MAML1: variants seen among roughly 807,000 people sequenced by gnomAD.
MAML1 encodes the protein mastermind-like protein 1.
Under a neutral mutation model 77.1 loss-of-function variants are expected in MAML1, and 14 were observed. The observed-to-expected ratio is 0.18, with a 90% CI of 0.12 to 0.28. The LOEUF (loss-of-function observed/expected upper bound fraction) is 0.28. Ranked by LOEUF, MAML1 falls within the 10% of genes least tolerant of loss-of-function variation. MAML1 has a pLI of 1.00. For synonymous variants in MAML1, 516 were observed against 551.9 expected (o/e 0.93, Z 0.91); for missense variants, 1,217 against 1,327.8 (o/e 0.92, Z 1.30).
At chr5:179,745,671 T>A (rs1045021599) in intron 1 of MAML1, among the ~76,000 whole-genome samples, 1 of 150,868 alleles carries the variant, frequency 6.6e-6, no homozygotes, top group Non-Finnish European at 1.5e-5. Flanking sequence ...CCATCCTGGC[T>A]AACACAGTGA....
chr5:179,772,784 C>T (rs1175178192), intron 4 of MAML1, among the ~76,000 whole-genome samples: 2 of 152,190 alleles, frequency 1.3e-5, no homozygotes, highest in Non-Finnish European at 2.9e-5. Flanking sequence ...CTCCACCCCC[C>T]ATTCCCACAT....
rs1188457297 is a variant in MAML1 at position 179,733,085 on chromosome 5, C to A, written c.-28C>A. ...CAGCCGGCCCCGAGAGGCCCGGCCC[C>A]GGGCCCGGCCCGTGCAGCCCGCGGC... On this transcript the variant is annotated 5_prime_UTR_variant, in exon 1 of 5. Transcript: ENST00000292599. 1.6e-6 allele frequency: 2 copies of A among 1,279,502 alleles called. No individual in the cohort carries two copies. The highest frequency in any genetic ancestry group is 2.2e-5 in the South Asian group (1 of 46,378). The allele number at this position is 1,279,502 out of a possible 1,614,324, so 79.3% of individuals were successfully genotyped here. A position where few individuals can be genotyped will look rare whatever the true frequency, so the allele number is the denominator to read the frequency against.
chr5:179,752,757 A>G (rs990138253), intron 1 of MAML1, among the ~76,000 whole-genome samples: 8 of 150,352 alleles, frequency 5.3e-5, no homozygotes, highest in African/African-American at 2.0e-4. Context: ...GTCCTCTTTC[A>G]TCTGTGGAAC....
chr5:179,733,209 C>T lies in MAML1; in HGVS notation c.97C>T (p.His33Tyr). Residue 33 changes from histidine (H) to tyrosine (Y), a missense_variant, in exon 1 of 5, where the codon CAC becomes TAC. Physicochemically the swap from His to Tyr is moderately conservative, Grantham distance 83 (BLOSUM62 2). Around this residue, in one of 3 missense-constraint regions of MAML1, gnomAD observed 312 missense variants for 331.4 expected, o/e 0.94. Coordinates refer to ENST00000292599, the MANE Select transcript of MAML1 (RefSeq NM_014757.5). Reference protein sequence around the residue: ...LRRRIELCRRHHSTCEARYEA... With the variant: ...LRRRIELCRRYHSTCEARYEA... ...CCGGCGCATCGAGCTGTGCCGGCGCCACCACAGCACCTGCGAGGCCCGCTA... is the reference window on the plus strand; with the variant it reads ...CCGGCGCATCGAGCTGTGCCGGCGCTACCACAGCACCTGCGAGGCCCGCTA... 1 of 1,478,430 alleles carries T rather than the reference C, an allele frequency of 6.8e-7. No homozygotes were observed. The highest frequency in any genetic ancestry group is 8.9e-7 in the Non-Finnish European group (1 of 1,118,162). 91.6% of individuals were successfully genotyped at this position (1,478,430 alleles called of 1,614,324 possible).
rs1756102186 is a variant in MAML1, at chr5:179,774,937, A to G, written c.*60A>G. ...TCCTATATTTTTATTCTCAGATTCA[A>G]AGAAAGAGCAACTACTTTGGACCAA... is the stretch of plus-strand genomic sequence containing the variant. On this transcript the variant is annotated 3_prime_UTR_variant, in exon 5 of 5. Coordinates refer to ENST00000292599, the MANE Select transcript of MAML1 (RefSeq NM_014757.5). The G allele has an allele frequency of 2.0e-6, 3 of 1,519,190 alleles. No homozygotes were observed. Among genetic ancestry groups the G allele is most frequent in the Non-Finnish European group, 1.8e-6 (2 of 1,137,988 alleles). 94.1% of individuals were successfully genotyped at this position (1,519,190 alleles called of 1,614,324 possible). A position where few individuals can be genotyped will look rare whatever the true frequency, so the allele number is the denominator to read the frequency against.
At chr5:179,773,421 A>G (rs1213499356) in intron 4 of MAML1, among the ~76,000 whole-genome samples, 1 of 152,230 alleles carries the variant, frequency 6.6e-6, no homozygotes, top group Non-Finnish European at 1.5e-5. Flanking sequence ...TAGTGGATTC[A>G]TCACTGTCTC....
At position 179,765,787 on chromosome 5, in the gene MAML1, C is replaced by T. The variant is rs1779805092; in HGVS notation, c.777C>T (p.Asn259=). 1 of 1,614,190 alleles carries T rather than the reference C, an allele frequency of 6.2e-7. No individual in the cohort carries two copies. The highest frequency in any genetic ancestry group is 8.5e-7 in the Non-Finnish European group (1 of 1,180,030). Residue 259 remains asparagine, a synonymous_variant, in exon 2 of 5, where the codon AAC becomes AAT. Coordinates refer to ENST00000292599, the MANE Select transcript of MAML1 (RefSeq NM_014757.5). The part of the protein sequence containing the change: ...QEWKELIEEL[N]RSVPDEDMKD... ...GGAAGGAGCTCATCGAGGAGCTGAACAGGTCGGTGCCCGATGAAGACATGA... is the reference window on the plus strand; with the variant it reads ...GGAAGGAGCTCATCGAGGAGCTGAATAGGTCGGTGCCCGATGAAGACATGA...
rs144703374 is a variant in MAML1 at position 179,768,909 on chromosome 5, G to A, written c.1791G>A (p.Pro597=). ...QAQATSVGTQ[P]PAVSVASSHN... ...AGGCTACCAGTGTTGGGACCCAGCC[G>A]CCTGCCGTGTCCGTGGCCAGCTCCC... Residue 597 remains proline (P), a synonymous_variant, in exon 3 of 5, where the codon CCG becomes CCA. Coordinates refer to ENST00000292599, the MANE Select transcript of MAML1 (RefSeq NM_014757.5). 2.9e-5 allele frequency: 46 copies of A among 1,613,782 alleles called. No individual in the cohort carries two copies. The highest frequency in any genetic ancestry group is 2.4e-4 in the African/African-American group (18 of 75,014).
intron 1 of MAML1, among the ~76,000 whole-genome samples, chr5:179,754,019 C>T (rs1476862296): frequency 6.6e-6 from 1 of 151,914 alleles, no homozygotes; most frequent in East Asian, 2.0e-4. Flanking sequence ...CACAATGGCT[C>T]ACGCCTGTAA....
chr5:179,737,831 C>T (rs983634639), intron 1 of MAML1, among the ~76,000 whole-genome samples: 3 of 152,136 alleles, frequency 2.0e-5, no homozygotes, highest in African/African-American at 4.8e-5. Flanking sequence ...TTTCTTGAAA[C>T]AGGGTCTGGC....
chr5:179,754,672 A>T (rs1420327004), intron 1 of MAML1, among the ~76,000 whole-genome samples: 1 of 152,204 alleles, frequency 6.6e-6, no homozygotes, highest in African/African-American at 2.4e-5. Context: ...GCCTTTGTCA[A>T]AATCACCTGA....
At chr5:179,754,267 G>A (rs1022042402) in intron 1 of MAML1, among the ~76,000 whole-genome samples, 1 of 152,140 alleles carries the variant, frequency 6.6e-6, no homozygotes, top group African/African-American at 2.4e-5. Context: ...GGGTAACAGA[G>A]CGAGACGCTG....
chr5:179,757,444 T>C (rs1343566326), intron 1 of MAML1, among the ~76,000 whole-genome samples: 1 of 151,990 alleles, frequency 6.6e-6, no homozygotes, highest in Non-Finnish European at 1.5e-5. Flanking sequence ...GGCGGGTGCC[T>C]GTCATCCCAG....
intron 1 of MAML1, among the ~76,000 whole-genome samples, chr5:179,754,933 A>C (rs1242479766): frequency 6.6e-6 from 1 of 152,246 alleles, no homozygotes; most frequent in Non-Finnish European, 1.5e-5. Flanking sequence ...AAGAAGGTGC[A>C]GCTGAAGGGA....
intron 1 of MAML1, among the ~76,000 whole-genome samples, chr5:179,747,327 GT>G (rs1779400778): frequency 6.6e-6 from 1 of 152,206 alleles, no homozygotes; most frequent in African/African-American, 2.4e-5. Context: ...GTCAGAAGCT[GT>G]ATGGCTTTGG....
chr5:179,748,243 T>C (rs1779419556), intron 1 of MAML1, among the ~76,000 whole-genome samples: 1 of 152,048 alleles, frequency 6.6e-6, no homozygotes, highest in Admixed American at 6.6e-5. Context: ...CCACCACGCC[T>C]GGCTAATTTT....
At chr5:179,737,317 C>T (rs111620590) in intron 1 of MAML1, among the ~76,000 whole-genome samples, 31 of 152,270 alleles carry the variant, frequency 2.0e-4, no homozygotes, top group Non-Finnish European at 3.1e-4. Context: ...TCTAGCTGAG[C>T]TCTTTGGCCT....
chr5:179,753,949 G>A (rs1293965926), intron 1 of MAML1, among the ~76,000 whole-genome samples: 1 of 151,714 alleles, frequency 6.6e-6, no homozygotes, highest in Non-Finnish European at 1.5e-5. Flanking sequence ...TGGGATTACA[G>A]GCGTGGGCCA....
intron 1 of MAML1, among the ~76,000 whole-genome samples, chr5:179,756,370 A>T: frequency 6.6e-6 from 1 of 150,726 alleles, no homozygotes. Context: ...GCTTGCAGTT[A>T]GCTGAGATCA....
Sources: allele counts gnomAD v4.1 joint callset (sites outside exome capture counted in the v4.1 genomes callset), GRCh38; gene constraint gnomAD v4.1.1; regional missense constraint gnomAD v4.1.1; transcripts MANE v1.5; gene names NCBI Gene and HGNC (gene_info 2026-07-23, HGNC 2026-07-21).